MEGF11: variants seen among roughly 807,000 people sequenced by gnomAD.
MEGF11 encodes multiple EGF like domains 11.
In MEGF11, 126 loss-of-function variants were observed where a neutral mutation model predicts 146.6. The ratio of observed to expected loss-of-function variants is 0.86; its 90% CI spans 0.74 to 1.00. The LOEUF (loss-of-function observed/expected upper bound fraction) is 1.00, where lower values mean the gene tolerates loss of function less well. Among genes scored for constraint, MEGF11 ranks in the 50% least tolerant of loss-of-function variants. The probability of loss-of-function intolerance (pLI) is 0.00; values close to 1 mark genes in which losing one functional copy is unlikely to be tolerated. For missense variants in MEGF11, 1,509 were observed against 1,521.2 expected, an observed-to-expected ratio of 0.99 and a Z score of 0.13; for synonymous variants, 532 against 583.4, an observed-to-expected ratio of 0.91 and a Z score of 1.27.
chr15:66,063,322 G>C (rs1314999601), intron 5 of MEGF11, among the ~76,000 whole-genome samples: 1 of 152,188 alleles, frequency 6.6e-6, no homozygotes, highest in Non-Finnish European at 1.5e-5. Context: ...GCTGGGTAGA[G>C]AATGAGATGG....
intron 5 of MEGF11, among the ~76,000 whole-genome samples, chr15:66,022,006 G>A (rs2140179506): frequency 1.3e-5 from 2 of 152,364 alleles, no homozygotes; most frequent in Middle Eastern, 3.4e-3. Context: ...CTTGGGTCAG[G>A]CGGGATTAAG....
chr15:66,107,938 AGGGGCTGCAATCAAGACAGGGCC>A (rs375936755), intron 4 of MEGF11, among the ~76,000 whole-genome samples: 3,222 of 152,252 alleles, frequency 0.021, 104 homozygotes, highest in African/African-American at 0.074. Flanking sequence ...CTGGAGTGAA[AGGGGCTGCAATCAAGACAGGGCC>A]GGGGCTGGGT....
chr15:65,901,803 A>T (rs1460120266), intron 24 of MEGF11: 2 of 152,206 alleles, frequency 1.3e-5, no homozygotes, highest in Non-Finnish European at 2.9e-5. Flanking sequence ...CAATTAGGTC[A>T]TTTGAAACTT....
At chr15:66,249,673 C>T (rs1438604269) in intron 1 of MEGF11, among the ~76,000 whole-genome samples, 2 of 152,190 alleles carry the variant, frequency 1.3e-5, no homozygotes, top group Non-Finnish European at 2.9e-5. Flanking sequence ...CTCAAAAAAT[C>T]ATTCACTTTC....
intron 4 of MEGF11, among the ~76,000 whole-genome samples, chr15:66,097,190 T>C (rs980368617): frequency 8.5e-5 from 13 of 152,228 alleles, no homozygotes; most frequent in Non-Finnish European, 1.3e-4. Context: ...GCATGAAATA[T>C]TGATAGCAAA....
Position 65,898,886 on chromosome 15 carries a change from C to T in MEGF11, c.3104G>A (p.Ser1035Asn). The T allele has an allele frequency of 6.2e-7, 1 of 1,613,954 alleles. No homozygotes were observed. The highest frequency in any genetic ancestry group is 8.5e-7 in the Non-Finnish European group (1 of 1,179,854). The change falls in exon 25 of 26, where the codon AGC (serine) becomes AAC (asparagine). Residue 1035 changes from serine to asparagine, a missense_variant. Physicochemically the swap from Ser to Asn is conservative, Grantham distance 46. Transcript: ENST00000395614. ...AATTGTGGCGTAAGGGTTTTCACTG[C>T]TATTCAAGGAACAAGTACTAGAACT... is the stretch of plus-strand genomic sequence containing the variant. ...VCSSSTCSLN[S>N]SENPYATIKD...
At chr15:66,156,686 T>C (rs1439800860) in intron 1 of MEGF11, among the ~76,000 whole-genome samples, 1 of 152,154 alleles carries the variant, frequency 6.6e-6, no homozygotes. Flanking sequence ...TCTGCCTTCG[T>C]TAACCAGGGC....
intron 5 of MEGF11, among the ~76,000 whole-genome samples, chr15:66,065,698 AT>A (rs2085094494): frequency 6.6e-6 from 1 of 152,128 alleles, no homozygotes; most frequent in Admixed American, 6.5e-5. Context: ...TCTTTGCATT[AT>A]TGATTGCAAT....
At position 66,192,853 on chromosome 15, in the gene MEGF11, G is replaced by A. The variant is rs188834500; in HGVS notation, c.-9+60752C>T. On this transcript the variant is annotated intron_variant, in intron 1 of 25. Coordinates refer to ENST00000395614, the MANE Select transcript of MEGF11 (RefSeq NM_001385028.1). ...CTTTGCACTATATCATTTTGCCTCC[G>A]TCTGTGATGTCACCAACATCAAATG... is the stretch of plus-strand genomic sequence containing the variant. Among the ~76,000 whole-genome samples, 22 of 152,318 alleles carry A rather than the reference G, an allele frequency of 1.4e-4. No homozygotes were observed. In the East Asian group the frequency reaches 3.1e-3, roughly 21 times the overall value.
At chr15:66,017,389 C>T (rs1347917271) in intron 5 of MEGF11, among the ~76,000 whole-genome samples, 3 of 152,230 alleles carry the variant, frequency 2.0e-5, no homozygotes. Flanking sequence ...ACAGATACGA[C>T]GGTGCCCACT....
chr15:66,192,072 C>T (rs902894241), intron 1 of MEGF11, among the ~76,000 whole-genome samples: 2 of 151,746 alleles, frequency 1.3e-5, no homozygotes, highest in African/African-American at 4.8e-5. Flanking sequence ...AGCAAGACTC[C>T]GTCTCAAAAA....
intron 1 of MEGF11, among the ~76,000 whole-genome samples, chr15:66,140,531 G>T (rs544197452): frequency 6.6e-6 from 1 of 152,168 alleles, no homozygotes; most frequent in East Asian, 1.9e-4. Context: ...AAGGCAGGAC[G>T]CTTGCACCAA....
At chr15:66,195,005 C>T (rs983625052) in intron 1 of MEGF11, among the ~76,000 whole-genome samples, 7 of 151,680 alleles carry the variant, frequency 4.6e-5, no homozygotes, top group African/African-American at 1.7e-4. Context: ...TAGTTATGTC[C>T]ATTGTCCTTG....
chr15:66,196,242 C>A (rs920295750), intron 1 of MEGF11, among the ~76,000 whole-genome samples: 1 of 151,994 alleles, frequency 6.6e-6, no homozygotes, highest in African/African-American at 2.4e-5. Flanking sequence ...GAGGCTGAGG[C>A]GAGTGAATCA....
At chr15:66,208,698 A>G (rs910620866) in intron 1 of MEGF11, among the ~76,000 whole-genome samples, 3 of 152,044 alleles carry the variant, frequency 2.0e-5, no homozygotes, top group African/African-American at 7.2e-5. Context: ...CCTGGCCAAC[A>G]TGGCGAAACC....
chr15:66,166,163 A>G (rs1259875026), intron 1 of MEGF11, among the ~76,000 whole-genome samples: 2 of 152,056 alleles, frequency 1.3e-5, no homozygotes, highest in African/African-American at 4.8e-5. Context: ...AGCTTCTCAA[A>G]CTAAACAGGA....
At chr15:65,981,071 T>G (rs2081621329) in intron 6 of MEGF11, among the ~76,000 whole-genome samples, 173 bp from the exon 7 acceptor site, 2 of 152,230 alleles carry the variant, frequency 1.3e-5, no homozygotes, top group African/African-American at 4.8e-5. Flanking sequence ...AGGCTCAGAC[T>G]GAATACATTG....
At chr15:66,076,000 C>G (rs1038788019) in intron 5 of MEGF11, among the ~76,000 whole-genome samples, 8 of 147,566 alleles carry the variant, frequency 5.4e-5, no homozygotes, top group African/African-American at 1.5e-4. Flanking sequence ...ATGCCCGGAA[C>G]CTAGCACAGT....
intron 7 of MEGF11, among the ~76,000 whole-genome samples, chr15:65,973,162 A>G (rs1159279384): frequency 6.6e-6 from 1 of 152,018 alleles, no homozygotes; most frequent in Admixed American, 6.6e-5. Flanking sequence ...AAAGGCATGA[A>G]TTCCAGGAAC....
Sources: allele counts gnomAD v4.1 joint callset (sites outside exome capture counted in the v4.1 genomes callset), GRCh38; gene constraint gnomAD v4.1.1; transcripts MANE v1.5; gene names NCBI Gene and HGNC (gene_info 2026-07-23, HGNC 2026-07-21).